The following ARHGAP31 variants were observed in gnomAD, a reference collection of about 807,000 sequenced individuals.
ARHGAP31 encodes Rho GTPase activating protein 31.
In ARHGAP31, 34 loss-of-function variants were observed where a neutral mutation model predicts 113.9. The observed-to-expected ratio is 0.30, with a 90% confidence interval of 0.23 to 0.40. ARHGAP31 has a LOEUF of 0.40. ARHGAP31 is among the 10% of genes least tolerant of loss of function. ARHGAP31 has a pLI of 1.00. For missense variants in ARHGAP31, 1,548 were observed against 1,767.1 expected (o/e 0.88, Z 2.22); for synonymous variants, 650 against 684.8 (o/e 0.95, Z 0.79).
intron 1 of ARHGAP31, among the ~76,000 whole-genome samples, chr3:119,361,331 T>C (rs1465582258): frequency 6.6e-6 from 1 of 151,922 alleles, no homozygotes; most frequent in Non-Finnish European, 1.5e-5. Context: ...CACATTAAGG[T>C]ATGTGAGAAG....
Position 119,402,328 on chromosome 3 carries a change from T to A in ARHGAP31, c.1576T>A (p.Ser526Thr). The A allele has an allele frequency of 1.2e-6, 2 of 1,614,078 alleles. No homozygotes were observed. Among genetic ancestry groups the A allele is most frequent in the Non-Finnish European group, 1.7e-6 (2 of 1,180,014 alleles). ...LQSLSSLEEF[S>T]FHGSESGGWP... ...GTCTCTTTCCAGCCTGGAAGAGTTT[T>A]CTTTTCATGGATCAGAGAGCGGAGG... Residue 526 changes from serine to threonine, a missense_variant, in exon 10 of 12, where the codon TCT (serine) becomes ACT (threonine). Physicochemically the swap from Ser to Thr is moderately conservative, Grantham distance 58 (BLOSUM62 1). Coordinates refer to ENST00000264245, the MANE Select transcript of ARHGAP31 (RefSeq NM_020754.4).
chr3:119,387,435 T>C (rs2080463081), intron 6 of ARHGAP31, among the ~76,000 whole-genome samples: 2 of 152,262 alleles, frequency 1.3e-5, no homozygotes, highest in Admixed American at 1.3e-4. Flanking sequence ...TATATAATCA[T>C]ATCTAAGATC....
chr3:119,344,789 C>G (rs977644532), intron 1 of ARHGAP31, among the ~76,000 whole-genome samples: 6 of 151,930 alleles, frequency 3.9e-5, no homozygotes, highest in African/African-American at 1.2e-4. Flanking sequence ...GTACAACCAC[C>G]CTGGCTAATT....
intron 9 of ARHGAP31, among the ~76,000 whole-genome samples, chr3:119,401,159 G>GGA (rs1172812941): frequency 0.02 from 2,729 of 134,220 alleles, 70 homozygotes; most frequent in African/African-American, 0.072. Context: ...CGACAGAGCT[G>GGA]TACTCCATCT....
At chr3:119,401,732 A>G (rs1421703058) in intron 9 of ARHGAP31, 90 bp from the exon 10 acceptor site, 3 of 1,213,762 alleles carry the variant, frequency 2.5e-6, no homozygotes, top group Non-Finnish European at 3.6e-6. Context: ...CCTCTCTAGT[A>G]TTCAAATGTC....
chr3:119,328,981 T>G (rs974428484), intron 1 of ARHGAP31, among the ~76,000 whole-genome samples: 1 of 152,188 alleles, frequency 6.6e-6, no homozygotes, highest in African/African-American at 2.4e-5. Context: ...TTTAAATAAC[T>G]CCTAGAAAAA....
At chr3:119,356,409 T>A (rs893487172) in intron 1 of ARHGAP31, among the ~76,000 whole-genome samples, 1 of 152,098 alleles carries the variant, frequency 6.6e-6, no homozygotes, top group African/African-American at 2.4e-5. Flanking sequence ...GGCAGGTAGA[T>A]CACCTGAGGT....
intron 1 of ARHGAP31, among the ~76,000 whole-genome samples, chr3:119,323,798 A>G (rs2079816237): frequency 6.6e-6 from 1 of 152,196 alleles, no homozygotes; most frequent in African/African-American, 2.4e-5. Context: ...TGTTTCTATA[A>G]CTTTTGTGGC....
intron 1 of ARHGAP31, among the ~76,000 whole-genome samples, chr3:119,337,243 T>C (rs1322154680): frequency 6.6e-6 from 1 of 152,198 alleles, no homozygotes; most frequent in African/African-American, 2.4e-5. Flanking sequence ...CCAGACTTGC[T>C]TCCTTCTGGT....
At chr3:119,314,525 G>C (rs1230889799) in intron 1 of ARHGAP31, 1 of 152,474 alleles carries the variant, frequency 6.6e-6, no homozygotes, top group African/African-American at 2.4e-5. Flanking sequence ...CGAGTGGCTG[G>C]GTCCAGAGAA....
chr3:119,389,797 A>T (rs1455470218), intron 6 of ARHGAP31, among the ~76,000 whole-genome samples: 3 of 152,278 alleles, frequency 2.0e-5, no homozygotes, highest in Non-Finnish European at 1.5e-5. Flanking sequence ...CAGAAGTCAT[A>T]GAAAACTGGC....
chr3:119,368,252 G>A, intron 2 of ARHGAP31, 120 bp from the exon 3 acceptor site: 1 of 1,306,104 alleles, frequency 7.7e-7, no homozygotes, highest in African/African-American at 1.5e-5. Context: ...TTTGAATTAA[G>A]GTCAAAAATA....
At chr3:119,392,814 T>C (rs763498365) in intron 7 of ARHGAP31, among the ~76,000 whole-genome samples, 2 of 152,268 alleles carry the variant, frequency 1.3e-5, no homozygotes, top group Non-Finnish European at 2.9e-5. Context: ...AGGTCGGATT[T>C]CTCATCCAAC....
chr3:119,382,454 G>A (rs538510609), intron 5 of ARHGAP31, 55 bp downstream of exon 5: 51 of 1,502,718 alleles, frequency 3.4e-5, no homozygotes, highest in South Asian at 2.5e-4. Context: ...AGCAGCCCCC[G>A]ATTGAAATGA....
intron 1 of ARHGAP31, among the ~76,000 whole-genome samples, chr3:119,329,186 G>A (rs546856017): frequency 6.6e-6 from 1 of 152,342 alleles, no homozygotes; most frequent in African/African-American, 2.4e-5. Flanking sequence ...GAACTAGAGA[G>A]TTTAGGGGTG....
intron 3 of ARHGAP31, among the ~76,000 whole-genome samples, chr3:119,375,578 A>C (rs2080339767): frequency 6.6e-6 from 1 of 152,150 alleles, no homozygotes; most frequent in African/African-American, 2.4e-5. Flanking sequence ...AGGATTTGAT[A>C]TCGTCGGGAG....
At chr3:119,316,955 T>C (rs1443526844) in intron 1 of ARHGAP31, among the ~76,000 whole-genome samples, 1 of 152,230 alleles carries the variant, frequency 6.6e-6, no homozygotes, top group Non-Finnish European at 1.5e-5. Flanking sequence ...CTCCTGTCTT[T>C]GCTCTCCCTG....
rs115071344 is a variant in ARHGAP31, at chr3:119,330,900, A to G, written c.101-34416A>G. Among the ~76,000 whole-genome samples, 451 of 152,362 alleles carry G rather than the reference A, an allele frequency of 3.0e-3. 2 individuals carry two copies. The highest frequency in any genetic ancestry group is 0.01 in the African/African-American group (433 of 41,582). The stretch of plus-strand genomic sequence containing the variant: ...TATTTATAAAGTGTGTGCCTTTGAA[A>G]GCATTAAAAATAATCTCGGCTGTCA... On this transcript the variant is annotated intron_variant, in intron 1 of 11. Coordinates refer to ENST00000264245, the MANE Select transcript of ARHGAP31 (RefSeq NM_020754.4).
At chr3:119,358,816 T>G (rs2080180884) in intron 1 of ARHGAP31, among the ~76,000 whole-genome samples, 1 of 152,128 alleles carries the variant, frequency 6.6e-6, no homozygotes, top group Admixed American at 6.6e-5. Context: ...AGAACGTTGA[T>G]TAGTGGCTGT....
Sources: gnomAD v4.1 joint callset for allele counts (sites outside exome capture counted in the v4.1 genomes callset) on GRCh38, gnomAD v4.1.1 for gene constraint, MANE v1.5 for transcripts, NCBI Gene and HGNC (gene_info 2026-07-23, HGNC 2026-07-21) for gene names.